Variants in C8orf74 observed in about 807,000 individuals in gnomAD.
The protein encoded by C8orf74 is uncharacterized protein C8orf74.
Under a neutral mutation model 22.2 loss-of-function variants are expected in C8orf74, and 29 were observed. That is an observed-to-expected ratio of 1.31 (90% CI 0.97 to 1.78). The LOEUF is 1.78. Ranked by LOEUF, C8orf74 falls within the 40% of genes most tolerant of loss-of-function variation. C8orf74 has a pLI of 0.00. For missense variants in C8orf74, 515 were observed against 369.9 expected, an observed-to-expected ratio of 1.39 and a Z score of -3.22; for synonymous variants, 255 against 163.1, an observed-to-expected ratio of 1.56 and a Z score of -4.30.
chr8:10,674,918 GC>G, intron 2 of C8orf74, 80 bp downstream of exon 2: 1 of 1,232,404 alleles, frequency 8.1e-7, no homozygotes, highest in Non-Finnish European at 1.1e-6. Context: ...GCCGTCCACA[GC>G]CCCAGCAGCC....
chr8:10,681,516 G>T (rs1373076021), intron 2 of C8orf74, among the ~76,000 whole-genome samples: 2 of 152,118 alleles, frequency 1.3e-5, no homozygotes, highest in Non-Finnish European at 1.5e-5. Context: ...GATTTAGGGT[G>T]CCCAGGAGGC....
intron 2 of C8orf74, among the ~76,000 whole-genome samples, chr8:10,690,515 G>A (rs1185897044): frequency 6.6e-6 from 1 of 152,172 alleles, no homozygotes; most frequent in Non-Finnish European, 1.5e-5. Context: ...AGGCGCTCAG[G>A]TATTGGGAAA....
intron 2 of C8orf74, among the ~76,000 whole-genome samples, chr8:10,695,337 G>A (rs180747922): frequency 1.3e-5 from 2 of 152,248 alleles, no homozygotes; most frequent in African/African-American, 2.4e-5. Context: ...GTACCCTCCC[G>A]AGAGGAGTGT....
chr8:10,676,008 C>T (rs1799024615), intron 2 of C8orf74, among the ~76,000 whole-genome samples: 2 of 151,950 alleles, frequency 1.3e-5, no homozygotes, highest in African/African-American at 4.8e-5. Context: ...GGGTCTGGAT[C>T]GGATGGGTCG....
At chr8:10,696,142 C>T (rs1387169130) in intron 2 of C8orf74, among the ~76,000 whole-genome samples, 1 of 151,902 alleles carries the variant, frequency 6.6e-6, no homozygotes, top group East Asian at 1.9e-4. Flanking sequence ...CTTCATGAAC[C>T]ACCTCCTCTG....
chr8:10,680,161 G>T (rs552064482), intron 2 of C8orf74, among the ~76,000 whole-genome samples: 2 of 152,196 alleles, frequency 1.3e-5, no homozygotes, highest in Non-Finnish European at 2.9e-5. Context: ...CCCCAGTGAC[G>T]CTCCTTCCAC....
intron 1 of C8orf74, chr8:10,673,839 T>G (rs1409267126): frequency 6.6e-6 from 1 of 152,028 alleles, no homozygotes; most frequent in Admixed American, 6.6e-5. Context: ...AGATGGCTTC[T>G]CAACTCCTCA....
Position 10,697,187 on chromosome 8 carries a change from C to T in C8orf74, c.242-412C>T, listed in dbSNP as rs142612522. Among the ~76,000 whole-genome samples, 406 of 152,252 alleles carry T rather than the reference C, an allele frequency of 2.7e-3. 1 individual carries two copies. The highest frequency in any genetic ancestry group is 9.1e-3 in the African/African-American group (379 of 41,544). On this transcript the variant is annotated intron_variant, in intron 2 of 3. Transcript: ENST00000304519. ...GGCATGGTGGCTCACACCTGTAATT[C>T]CAGTACTTTAGGAGGCCGAGGCAGG...
At chr8:10,688,721 T>A (rs1169923000) in intron 2 of C8orf74, 1 of 152,334 alleles carries the variant, frequency 6.6e-6, no homozygotes, top group African/African-American at 2.4e-5. Context: ...TCAGGAGGGA[T>A]GCAGCTGCTC....
rs201819660 is a variant in C8orf74 at position 10,674,861 on chromosome 8, G to C, written c.241+23G>C. ...AAGGTATGGTGTGTCCAGGGCAGGAGTCAGCAGAGGCTGGCGGGATGGGGT... is the reference window on the plus strand; with the variant it reads ...AAGGTATGGTGTGTCCAGGGCAGGACTCAGCAGAGGCTGGCGGGATGGGGT... On this transcript the variant is annotated intron_variant, in intron 2 of 3. Transcript: ENST00000304519. 21 of 1,565,012 alleles carry C rather than the reference G, an allele frequency of 1.3e-5. 1 individual carries two copies. The South Asian group carries it at 2.4e-4, about 18-fold the overall frequency.
chr8:10,697,824 G>A lies in C8orf74; in HGVS notation c.467G>A (p.Gly156Asp). The A allele has an allele frequency of 6.2e-7, 1 of 1,613,902 alleles. No individual in the cohort carries two copies. Among genetic ancestry groups the A allele is most frequent in the Non-Finnish European group, 8.5e-7 (1 of 1,179,872 alleles). Residue 156 changes from glycine to aspartate, a missense_variant, in exon 3 of 4, where the codon GGC (glycine) becomes GAC (aspartate). Transcript: ENST00000304519. Reference sequence around the variant, plus strand: ...CCCCATCCCCTCCCGCTGGCCGAGGGCATGGACAGGGACTTGTGGATCCAC... The same window carrying A: ...CCCCATCCCCTCCCGCTGGCCGAGGACATGGACAGGGACTTGTGGATCCAC... ...MPPHPLPLAE[G>D]MDRDLWIHEQ...
At position 10,697,930 on chromosome 8, in the gene C8orf74, G is replaced by GAC; in HGVS notation, c.573_574insAC (p.Glu192ThrfsTer60). ...TGCTCCTGAAAGAGGCGCTGCGCCTGGAGCGGGAGAACTCGCTGCAGAAGG... is the reference window on the plus strand; with the variant it reads ...TGCTCCTGAAAGAGGCGCTGCGCCTGACGAGCGGGAGAACTCGCTGCAGAAGG... On this transcript the variant is annotated frameshift_variant, in exon 3 of 4. Transcript: ENST00000304519. LOFTEE classifies it high-confidence loss of function. The GAC allele has an allele frequency of 6.3e-7, 1 of 1,590,762 alleles. No individual in the cohort carries two copies. Among genetic ancestry groups the GAC allele is most frequent in the South Asian group, 1.1e-5 (1 of 89,480 alleles).
chr8:10,697,964 G>A lies in C8orf74; in HGVS notation c.607G>A (p.Ala203Thr), dbSNP rs530750753. 5 of 1,531,818 alleles carry A rather than the reference G, an allele frequency of 3.3e-6. No individual in the cohort carries two copies. The African/African-American group carries it at 5.4e-5, about 17-fold the overall frequency. The allele number at this position is 1,531,818 out of a possible 1,614,324, so 94.9% of individuals were successfully genotyped here. ...GAACTCGCTGCAGAAGGCGTTCGCTGCCGCCGCGCCTGCGCAGCCCGGCCA... is the reference window on the plus strand; with the variant it reads ...GAACTCGCTGCAGAAGGCGTTCGCTACCGCCGCGCCTGCGCAGCCCGGCCA... Reference protein sequence around the residue: ...RENSLQKAFAAAAPAQPGQVL... With the variant: ...RENSLQKAFATAAPAQPGQVL... The change falls in exon 3 of 4, where the codon GCC becomes ACC. Residue 203 changes from alanine to threonine, a missense_variant. Physicochemically the swap from Ala to Thr is moderately conservative, Grantham distance 58. Coordinates refer to ENST00000304519, the MANE Select transcript of C8orf74 (RefSeq NM_001040032.2).
At chr8:10,692,747 C>A (rs1799408786) in intron 2 of C8orf74, 2 of 152,060 alleles carry the variant, frequency 1.3e-5, no homozygotes, top group African/African-American at 4.8e-5. Flanking sequence ...CAAGGGATAC[C>A]CCTGCCATGG....
At chr8:10,673,807 C>G (rs1798966176) in intron 1 of C8orf74, 1 of 152,648 alleles carries the variant, frequency 6.6e-6, no homozygotes, top group Non-Finnish European at 1.5e-5. Flanking sequence ...TGTGGGGACC[C>G]CAAAAGTGTC....
In C8orf74 at chr8:10,700,351, G is replaced by A; in HGVS notation, c.765G>A (p.Lys255=). The change falls in exon 4 of 4, where the codon AAG becomes AAA. Residue 255 remains lysine (K), a synonymous_variant. Coordinates refer to ENST00000304519, the MANE Select transcript of C8orf74 (RefSeq NM_001040032.2). ...FAILDLKLQK[K]TLNLNAPTPI... is the part of the protein sequence containing the mutation. ...TCTTGGACCTGAAGCTTCAGAAGAA[G>A]ACTCTGAACCTCAACGCCCCCACCC... is the stretch of plus-strand genomic sequence containing the variant. The A allele has an allele frequency of 2.5e-6, 4 of 1,613,720 alleles. No individual in the cohort carries two copies. The highest frequency in any genetic ancestry group is 3.4e-6 in the Non-Finnish European group (4 of 1,179,716).
At chr8:10,681,150 C>T (rs752078951) in intron 2 of C8orf74, among the ~76,000 whole-genome samples, 3 of 151,962 alleles carry the variant, frequency 2.0e-5, no homozygotes, top group African/African-American at 4.8e-5. Flanking sequence ...TCTCCCAGTC[C>T]GATCAGGCCT....
chr8:10,687,227 G>A (rs142620070), intron 2 of C8orf74: 81 of 412,268 alleles, frequency 2.0e-4, no homozygotes, highest in Admixed American at 1.0e-3. Context: ...GCATGCTGTC[G>A]CCTAATCTCA....
At chr8:10,690,953 G>T in intron 2 of C8orf74, 1 of 456,220 alleles carries the variant, frequency 2.2e-6, no homozygotes, top group Non-Finnish European at 4.4e-6. Context: ...TGTTATTGAA[G>T]AGCAACTTGC....
Sources: gnomAD v4.1 joint callset for allele counts (sites outside exome capture counted in the v4.1 genomes callset) on GRCh38, gnomAD v4.1.1 for gene constraint, MANE v1.5 for transcripts, NCBI Gene and HGNC (gene_info 2026-07-23, HGNC 2026-07-21) for gene names.